The following CTNND2 variants were observed in gnomAD, a reference collection of about 807,000 sequenced individuals.
CTNND2 encodes the protein catenin delta 2, also known as catenin delta-2.
Under a neutral mutation model 144.4 loss-of-function variants are expected in CTNND2, and 22 were observed. The ratio of observed to expected loss-of-function variants is 0.15; its 90% CI spans 0.11 to 0.22. The LOEUF is 0.22. Among genes scored for constraint, CTNND2 ranks in the 10% least tolerant of loss-of-function variants. CTNND2 has a pLI of 1.00. For synonymous variants in CTNND2, 751 were observed against 695.6 expected (o/e 1.08, Z -1.25); for missense variants, 1,353 against 1,618.8 (o/e 0.84, Z 2.82).
At chr5:11,106,763 A>G (rs1290119062) in intron 14 of CTNND2, among the ~76,000 whole-genome samples, 1 of 152,164 alleles carries the variant, frequency 6.6e-6, no homozygotes, top group African/African-American at 2.4e-5. Context: ...ACCTAGGGTC[A>G]TAGTTGTCAC....
chr5:11,082,500 A>G lies in CTNND2; in HGVS notation c.2788+196T>C, dbSNP rs11749459. 0.084 allele frequency among the ~76,000 whole-genome samples: 12,736 copies of G among 152,278 alleles called. 616 individuals are homozygous for G. Among genetic ancestry groups the G allele is most frequent in the Non-Finnish European group, 0.1 (7,108 of 68,014 alleles). ...AGGATTAGAAATGTCAACGAGCATC[A>G]CATTTTCCTCTAAATTCTAAAAGAT... On this transcript the variant is annotated intron_variant, in intron 16 of 21. Transcript: ENST00000304623.
intron 12 of CTNND2, among the ~76,000 whole-genome samples, chr5:11,151,228 C>T (rs1757732758): frequency 6.6e-6 from 1 of 152,156 alleles, no homozygotes; most frequent in Non-Finnish European, 1.5e-5. Context: ...TACATGAAAG[C>T]GTTTGGTGTG....
rs12516892 is a variant in CTNND2 at position 11,623,808 on chromosome 5, G to A, written c.175-58752C>T. 1.8e-3 allele frequency among the ~76,000 whole-genome samples: 74 copies of A among 40,708 alleles called. 1 individual carries two copies. Among genetic ancestry groups the A allele is most frequent in the East Asian group, 2.5e-3 (3 of 1,202 alleles). The allele number at this position is 40,708 out of a possible 152,430, so 26.7% of individuals were successfully genotyped here. A position where few individuals can be genotyped will look rare whatever the true frequency, so the allele number is the denominator to read the frequency against. On this transcript the variant is annotated intron_variant, in intron 2 of 21. Coordinates refer to ENST00000304623, the MANE Select transcript of CTNND2 (RefSeq NM_001332.4). ...ATCGTAAATATATATATGTGTGTAT[G>A]TATATATATATATATATATATATAT... is the stretch of plus-strand genomic sequence containing the variant.
chr5:11,845,430 G>A (rs59053115), intron 1 of CTNND2, among the ~76,000 whole-genome samples: 8,948 of 152,202 alleles, frequency 0.059, 623 homozygotes, highest in African/African-American at 0.17. Context: ...TCGCAGATGT[G>A]ATTAAGATGA....
At chr5:11,638,102 A>G (rs1388393613) in intron 2 of CTNND2, among the ~76,000 whole-genome samples, 1 of 152,208 alleles carries the variant, frequency 6.6e-6, no homozygotes, top group East Asian at 1.9e-4. Context: ...TAGTCACACC[A>G]GCTGAGGGGG....
chr5:11,480,073 A>C (rs1369379797), intron 3 of CTNND2, among the ~76,000 whole-genome samples: 3 of 152,152 alleles, frequency 2.0e-5, no homozygotes, highest in African/African-American at 7.2e-5. Flanking sequence ...TTCATCATGA[A>C]ATCTTTGCCA....
intron 1 of CTNND2, among the ~76,000 whole-genome samples, chr5:11,842,666 C>A (rs1043131471): frequency 1.3e-5 from 2 of 149,078 alleles, no homozygotes; most frequent in Admixed American, 1.3e-4. Context: ...TTGCAGTGAA[C>A]GGAGATGGTG....
At position 11,903,788 on chromosome 5, in the gene CTNND2, G is replaced by C; in HGVS notation, c.37+29C>G. The stretch of plus-strand genomic sequence containing the variant: ...ACGGCGCCGGGAGGAGGCTGCGCCC[G>C]GCCCCGGCCGCCCAGCCCCGCAACT... On this transcript the variant is annotated intron_variant, in intron 1 of 21. Coordinates refer to ENST00000304623, the MANE Select transcript of CTNND2 (RefSeq NM_001332.4). This position sits in a 1 kb window ranked among gnomAD's most constrained non-coding sequence, Gnocchi z 5.4. 6.8e-7 allele frequency: 1 copy of C among 1,475,398 alleles called. No individual in the cohort carries two copies. Among genetic ancestry groups the C allele is most frequent in the Non-Finnish European group, 8.9e-7 (1 of 1,120,168 alleles). The allele number at this position is 1,475,398 out of a possible 1,614,324, so 91.4% of individuals were successfully genotyped here. A position where few individuals can be genotyped will look rare whatever the true frequency, so the allele number is the denominator to read the frequency against.
intron 2 of CTNND2, among the ~76,000 whole-genome samples, chr5:11,607,097 G>A (rs1780091142): frequency 6.6e-6 from 1 of 152,132 alleles, no homozygotes; most frequent in African/African-American, 2.4e-5. Flanking sequence ...TGTAAGCCAG[G>A]GAACACCAAA....
At chr5:11,579,468 A>G (rs759882825) in intron 2 of CTNND2, among the ~76,000 whole-genome samples, 8 of 152,166 alleles carry the variant, frequency 5.3e-5, no homozygotes, top group Non-Finnish European at 8.8e-5. Flanking sequence ...GGTACACTGA[A>G]TTTGTCACAC....
chr5:11,775,884 T>C (rs1364796180), intron 1 of CTNND2, among the ~76,000 whole-genome samples: 1 of 151,954 alleles, frequency 6.6e-6, no homozygotes, highest in Non-Finnish European at 1.5e-5. Context: ...AAGACTAGGG[T>C]CCTTATAAGA....
At chr5:11,124,132 A>T (rs1158613230) in intron 12 of CTNND2, among the ~76,000 whole-genome samples, 1 of 152,124 alleles carries the variant, frequency 6.6e-6, no homozygotes, top group Non-Finnish European at 1.5e-5. Flanking sequence ...ATTCAACAAC[A>T]CAGGCACCCC....
chr5:11,385,153 A>G lies in CTNND2; in HGVS notation c.689T>C (p.Phe230Ser), dbSNP rs1374223968. The change falls in exon 7 of 22, where the codon TTC (phenylalanine) becomes TCC (serine). Residue 230 changes from phenylalanine to serine, a missense_variant. Coordinates refer to ENST00000304623, the MANE Select transcript of CTNND2 (RefSeq NM_001332.4). ...PPPPPPPREP[F>S]APSLGSAFHL... The stretch of plus-strand genomic sequence containing the variant: ...GAAGGCGCTGCCCAGGCTGGGCGCG[A>G]ACGGCTCCCGCGGCGGCGGCGGCGG... The G allele has an allele frequency of 5.0e-6, 5 of 1,005,058 alleles. No homozygotes were observed. Among genetic ancestry groups the G allele is most frequent in the Non-Finnish European group, 5.9e-6 (5 of 845,872 alleles). The allele number at this position is 1,005,058 out of a possible 1,614,324, so 62.3% of individuals were successfully genotyped here.
chr5:11,334,757 G>T (rs918053451), intron 9 of CTNND2, among the ~76,000 whole-genome samples: 4 of 152,186 alleles, frequency 2.6e-5, no homozygotes, highest in African/African-American at 9.7e-5. Flanking sequence ...TCTTGCAAAT[G>T]TCTCAGTTAA....
intron 10 of CTNND2, among the ~76,000 whole-genome samples, chr5:11,208,612 G>A (rs1258426649): frequency 6.6e-6 from 1 of 152,130 alleles, no homozygotes; most frequent in Non-Finnish European, 1.5e-5. Context: ...GGATGACACA[G>A]CATTTGATTT....
At chr5:11,705,681 G>T (rs1159924994) in intron 2 of CTNND2, among the ~76,000 whole-genome samples, 6 of 152,098 alleles carry the variant, frequency 3.9e-5, no homozygotes, top group African/African-American at 1.4e-4. Flanking sequence ...TCAGGGAAGT[G>T]GTATAATGCT....
chr5:11,857,590 A>C (rs962942588), intron 1 of CTNND2, among the ~76,000 whole-genome samples: 1 of 152,136 alleles, frequency 6.6e-6, no homozygotes, highest in Non-Finnish European at 1.5e-5. Flanking sequence ...AAGGCTCTTG[A>C]CTCATAAGGG....
chr5:11,828,799 A>G (rs1242195034), intron 1 of CTNND2, among the ~76,000 whole-genome samples: 1 of 152,170 alleles, frequency 6.6e-6, no homozygotes, highest in Non-Finnish European at 1.5e-5. Flanking sequence ...GTGACTTTGG[A>G]ACTGGGAAAC....
intron 8 of CTNND2, among the ~76,000 whole-genome samples, chr5:11,349,371 A>C (rs1012215267): frequency 6.6e-6 from 1 of 152,132 alleles, no homozygotes; most frequent in African/African-American, 2.4e-5. Context: ...TGTTTTCTCC[A>C]ACAGTCCTAT....
Sources: allele counts gnomAD v4.1 joint callset (sites outside exome capture counted in the v4.1 genomes callset), GRCh38; gene constraint gnomAD v4.1.1; non-coding constraint Gnocchi (gnomAD v3.1); transcripts MANE v1.5; gene names NCBI Gene and HGNC (gene_info 2026-07-23, HGNC 2026-07-21).